STARD9: variants seen among roughly 807,000 people sequenced by gnomAD.
The protein encoded by STARD9 is StAR related lipid transfer domain containing 9, also known as stAR-related lipid transfer protein 9.
A neutral mutation model predicts 399.8 loss-of-function variants in STARD9; 346 were observed. The observed-to-expected ratio is 0.87, with a 90% CI of 0.79 to 0.95. STARD9 has a LOEUF of 0.95. Among genes scored for constraint, STARD9 ranks in the 40% least tolerant of loss-of-function variants. The probability of loss-of-function intolerance (pLI) is 0.00; values close to 1 mark genes in which losing one functional copy is unlikely to be tolerated. For synonymous variants in STARD9, 2,203 were observed against 2,143.5 expected, an observed-to-expected ratio of 1.03 and a Z score of -0.77; for missense variants, 5,832 against 5,667.5, an observed-to-expected ratio of 1.03 and a Z score of -0.93.
intron 6 of STARD9, among the ~76,000 whole-genome samples, chr15:42,638,460 T>A (rs372405511): frequency 3.9e-5 from 6 of 152,134 alleles, no homozygotes; most frequent in African/African-American, 1.4e-4. Flanking sequence ...GAGCCAAGAT[T>A]GTGCCACTGC....
intron 26 of STARD9, among the ~76,000 whole-genome samples, chr15:42,699,995 T>C (rs1224707516): frequency 6.6e-6 from 1 of 152,124 alleles, no homozygotes; most frequent in Non-Finnish European, 1.5e-5. Context: ...GCGTGTGAGA[T>C]CAACTTTTTT....
In STARD9 at chr15:42,690,298, C is replaced by T; in HGVS notation, c.8720C>T (p.Ala2907Val). 6.5e-7 allele frequency: 1 copy of T among 1,537,268 alleles called. No homozygotes were observed. Among genetic ancestry groups the T allele is most frequent in the Non-Finnish European group, 8.7e-7 (1 of 1,146,926 alleles). ...CCACTGCCAGATCAAAGACCAAGCG[C>T]AAATCCTGGGGGAATTGGGGAGGAA... The part of the protein sequence containing the change: ...PIPLPDQRPS[A>V]NPGGIGEEAP... Residue 2907 changes from alanine (A) to valine (V), a missense_variant, in exon 23 of 33, where the codon GCA becomes GTA. Ala to Val is a moderately conservative substitution (Grantham distance 64). Coordinates refer to ENST00000290607, the MANE Select transcript of STARD9 (RefSeq NM_020759.3).
chr15:42,628,893 A>T (rs2059276761), intron 3 of STARD9, among the ~76,000 whole-genome samples: 1 of 152,030 alleles, frequency 6.6e-6, no homozygotes, highest in East Asian at 1.9e-4. Flanking sequence ...TTTGCTCAGG[A>T]TGGCTTTGGC....
At chr15:42,612,779 T>A (rs1233246454) in intron 3 of STARD9, among the ~76,000 whole-genome samples, 1 of 152,052 alleles carries the variant, frequency 6.6e-6, no homozygotes, top group Non-Finnish European at 1.5e-5. Flanking sequence ...AGGTCAGAAG[T>A]TTGAGACCAG....
At chr15:42,707,320 A>C (rs1321652715) in intron 26 of STARD9, among the ~76,000 whole-genome samples, 1 of 152,244 alleles carries the variant, frequency 6.6e-6, no homozygotes, top group Non-Finnish European at 1.5e-5. Flanking sequence ...GCATTATTTG[A>C]AGTGGCAATG....
Position 42,718,120 on chromosome 15 carries a change from A to G in STARD9, c.13703A>G (p.Tyr4568Cys). The change falls in exon 30 of 33, where the codon TAT (tyrosine) becomes TGT (cysteine). Residue 4568 changes from tyrosine to cysteine, a missense_variant. Around this residue, in one of 2 missense-constraint regions of STARD9, gnomAD observed 5,828 missense variants for 5,651.1 expected, o/e 1.03. Coordinates refer to ENST00000290607, the MANE Select transcript of STARD9 (RefSeq NM_020759.3). The stretch of plus-strand genomic sequence containing the variant: ...AGTGACCCCACTGTGTGGCCCCTGT[A>G]TTACAAGCCCATCCAGACAGCAAGG... Reference protein sequence around the residue: ...AVSDPTVWPLYYKPIQTARLH... With the variant: ...AVSDPTVWPLCYKPIQTARLH... 1 of 1,537,132 alleles carries G rather than the reference A, an allele frequency of 6.5e-7. No individual in the cohort carries two copies. The highest frequency in any genetic ancestry group is 1.4e-5 in the African/African-American group (1 of 73,116).
rs917152370 is a variant in STARD9, at chr15:42,718,485, T to A, written c.13813T>A (p.Phe4605Ile). The A allele has an allele frequency of 2.8e-5, 43 of 1,537,112 alleles. No homozygotes were observed. Among genetic ancestry groups the A allele is most frequent in the Non-Finnish European group, 3.7e-5 (43 of 1,146,890 alleles). ...GTGCGCACTGAAGCAGCCACGGGAT[T>A]TCTGTTGTGTCTGCGTGGAAGCCAA... ...TLCALKQPRD[F>I]CCVCVEAKEG... Residue 4605 changes from phenylalanine (F) to isoleucine (I), a missense_variant, in exon 31 of 33, where the codon TTC (phenylalanine) becomes ATC (isoleucine). By Grantham distance (21) the Phe-to-Ile change is conservative. Coordinates refer to ENST00000290607, the MANE Select transcript of STARD9 (RefSeq NM_020759.3).
chr15:42,719,439 T>C, intron 32 of STARD9, 34 bp from the exon 33 acceptor site: 10 of 1,383,222 alleles, frequency 7.2e-6, no homozygotes, highest in Non-Finnish European at 9.9e-6. Context: ...CTCAAATCTA[T>C]TTGCACCTTA....
chr15:42,576,443 AGT>A (rs1234144235), intron 1 of STARD9, among the ~76,000 whole-genome samples: 4 of 152,146 alleles, frequency 2.6e-5, no homozygotes, highest in African/African-American at 9.7e-5. Flanking sequence ...CACCAGATGA[AGT>A]GTTTTTTAAA....
intron 20 of STARD9, among the ~76,000 whole-genome samples, chr15:42,678,053 C>G (rs1233611357): frequency 1.3e-5 from 2 of 152,222 alleles, no homozygotes; most frequent in Non-Finnish European, 2.9e-5. Flanking sequence ...CACCCACTGT[C>G]TCCACTCTTG....
intron 3 of STARD9, among the ~76,000 whole-genome samples, chr15:42,608,893 C>T (rs999263912): frequency 1.3e-5 from 2 of 152,194 alleles, no homozygotes; most frequent in East Asian, 3.8e-4. Flanking sequence ...TGTGACTATT[C>T]TGGATTCAGT....
intron 1 of STARD9, among the ~76,000 whole-genome samples, chr15:42,578,613 C>T (rs1019330313): frequency 6.6e-6 from 1 of 150,546 alleles, no homozygotes; most frequent in African/African-American, 2.5e-5. Context: ...TCTTTACCCA[C>T]TGTATAGCTT....
chr15:42,674,211 T>C (rs1045105150), intron 16 of STARD9, among the ~76,000 whole-genome samples: 2 of 152,204 alleles, frequency 1.3e-5, no homozygotes, highest in African/African-American at 4.8e-5. Context: ...TTGTGGTATA[T>C]TTTTTAGCTC....
rs531774911 is a variant in STARD9, at chr15:42,689,574, T to G, written c.7996T>G (p.Phe2666Val). The change falls in exon 23 of 33, where the codon TTC becomes GTC. Residue 2666 changes from phenylalanine to valine, a missense_variant. Transcript: ENST00000290607. ...AGAGCCATGGGATCCTGTGCAGGCT[T>G]TCTCCCATGCTGCTCCTGCTCAAGA... ...DREPWDPVQA[F>V]SHAAPAQDRK... 1 of 1,537,294 alleles carries G rather than the reference T, an allele frequency of 6.5e-7. No homozygotes were observed. Among genetic ancestry groups the G allele is most frequent in the Non-Finnish European group, 8.7e-7 (1 of 1,146,924 alleles).
intron 20 of STARD9, among the ~76,000 whole-genome samples, chr15:42,677,836 C>T (rs1386385721): frequency 6.6e-6 from 1 of 152,208 alleles, no homozygotes; most frequent in Non-Finnish European, 1.5e-5. Flanking sequence ...GCCAGCAAGG[C>T]TGCCTCCCTT....
In STARD9 at chr15:42,690,466, C is replaced by G; in HGVS notation, c.8888C>G (p.Ala2963Gly). Reference sequence around the variant, plus strand: ...CAGCCATGCAGTTCTCAACCTGTTGCTACTCATGCTTATTCCTCCCATTCC... The same window carrying G: ...CAGCCATGCAGTTCTCAACCTGTTGGTACTCATGCTTATTCCTCCCATTCC... ...CRQPCSSQPV[A>G]THAYSSHSST... is the part of the protein sequence containing the mutation. Residue 2963 changes from alanine (A) to glycine (G), a missense_variant, in exon 23 of 33, where the codon GCT becomes GGT. Physicochemically the swap from Ala to Gly is moderately conservative, Grantham distance 60 (BLOSUM62 0). Transcript: ENST00000290607. 1 of 1,537,252 alleles carries G rather than the reference C, an allele frequency of 6.5e-7. No individual in the cohort carries two copies. The highest frequency in any genetic ancestry group is 8.7e-7 in the Non-Finnish European group (1 of 1,146,900).
chr15:42,697,866 A>G (rs76506589), intron 26 of STARD9, among the ~76,000 whole-genome samples: 116 of 152,144 alleles, frequency 7.6e-4, no homozygotes, highest in Non-Finnish European at 1.1e-3. Context: ...GGGGTACTCA[A>G]CCTGTAAAAG....
At chr15:42,624,217 C>CTA (rs145715404) in intron 3 of STARD9, among the ~76,000 whole-genome samples, 50 of 152,050 alleles carry the variant, frequency 3.3e-4, no homozygotes, top group African/African-American at 1.2e-3. Context: ...GTGAGTGGAG[C>CTA]TATAGTATGC....
chr15:42,585,309 A>T (rs903016048), intron 2 of STARD9, among the ~76,000 whole-genome samples: 1 of 152,238 alleles, frequency 6.6e-6, no homozygotes. Context: ...AGGCAGATAT[A>T]TGATAGAATG....
Sources: gnomAD v4.1 joint callset for allele counts (sites outside exome capture counted in the v4.1 genomes callset) on GRCh38, gnomAD v4.1.1 for gene constraint, gnomAD v4.1.1 regional missense constraint, MANE v1.5 for transcripts, NCBI Gene and HGNC (gene_info 2026-07-23, HGNC 2026-07-21) for gene names.